LLGL2: variants seen among roughly 807,000 people sequenced by gnomAD.
LLGL2 encodes the protein LLGL scribble cell polarity complex component 2.
Under a neutral mutation model 123.2 loss-of-function variants are expected in LLGL2, and 81 were observed. That is an observed-to-expected ratio of 0.66 (90% CI 0.55 to 0.79). LLGL2 has a LOEUF of 0.79. Among genes scored for constraint, LLGL2 ranks in the 30% least tolerant of loss-of-function variants. LLGL2 has a pLI of 0.00. For missense variants in LLGL2, 1,273 were observed against 1,414.6 expected (o/e 0.90, Z 1.61); for synonymous variants, 577 against 594.1 (o/e 0.97, Z 0.42).
At chr17:75,570,314 C>T (rs2055641105) in intron 15 of LLGL2, 34 bp from the exon 16 acceptor site, 1 of 1,608,356 alleles carries the variant, frequency 6.2e-7, no homozygotes, top group African/African-American at 1.3e-5. Context: ...ACTCCCAGGA[C>T]CTAGCAGCAC....
At chr17:75,557,830 C>T (rs1016704531) in intron 3 of LLGL2, 6 of 397,936 alleles carry the variant, frequency 1.5e-5, no homozygotes, top group Admixed American at 7.3e-5. Flanking sequence ...TGCTACCAAG[C>T]GACAGCCAAC....
Position 75,558,580 on chromosome 17 carries a change from A to T in LLGL2, c.324A>T (p.Ala108=). ...GGAGCCTGAAGGTCAAGGGCGGGGC[A>T]TCGGAGCTGCAGGAGGATGAGAGCT... ...HLWSLKVKGG[A]SELQEDESFT... Residue 108 remains alanine (A), a synonymous_variant, in exon 5 of 26, where the codon GCA becomes GCT. Coordinates refer to ENST00000392550, the MANE Select transcript of LLGL2 (RefSeq NM_001031803.2). This position sits in a 1 kb window ranked among gnomAD's most constrained non-coding sequence, Gnocchi z 4.0. 3 of 1,611,768 alleles carry T rather than the reference A, an allele frequency of 1.9e-6. No homozygotes were observed. In the South Asian group the frequency reaches 3.3e-5, roughly 18 times the overall value.
chr17:75,535,485 G>A (rs909901603), intron 1 of LLGL2, among the ~76,000 whole-genome samples: 8 of 152,240 alleles, frequency 5.3e-5, no homozygotes, highest in Non-Finnish European at 7.3e-5. Context: ...GGAACTTCCC[G>A]AGCTATGGAG....
At position 75,559,450 on chromosome 17, in the gene LLGL2, A is replaced by T. The variant is rs755804238; in HGVS notation, c.530+40A>T. The T allele has an allele frequency of 5.8e-6, 9 of 1,557,028 alleles. No homozygotes were observed. Among genetic ancestry groups the T allele is most frequent in the Non-Finnish European group, 7.8e-6 (9 of 1,152,628 alleles). On this transcript the variant is annotated intron_variant, in intron 6 of 25. Transcript: ENST00000392550. This position sits in a 1 kb window ranked among gnomAD's most constrained non-coding sequence, Gnocchi z 4.6. ...CAGCTGCTGTTAACTCCATCCCCTC[A>T]AGTTAGGCATGGCTTCTCCCCTTGG...
intron 6 of LLGL2, among the ~76,000 whole-genome samples, chr17:75,561,853 T>C (rs1338495623): frequency 2.7e-5 from 4 of 150,918 alleles, no homozygotes; most frequent in Non-Finnish European, 4.4e-5. Flanking sequence ...ACCCCGGAGG[T>C]GGAGGTTGTG....
At chr17:75,568,256 G>A (rs536141789) in intron 10 of LLGL2, 1 of 1,424,110 alleles carries the variant, frequency 7.0e-7, no homozygotes, top group Non-Finnish European at 9.1e-7. Flanking sequence ...ATCCCCCCAG[G>A]AGCCCTGTGC....
chr17:75,559,273 G>C lies in LLGL2; in HGVS notation c.393G>C (p.Gln131His), dbSNP rs2055087182. 5 of 1,610,532 alleles carry C rather than the reference G, an allele frequency of 3.1e-6. No individual in the cohort carries two copies. The highest frequency in any genetic ancestry group is 1.3e-5 in the African/African-American group (1 of 74,930). The change falls in exon 6 of 26, where the codon CAG (glutamine) becomes CAC (histidine). Residue 131 changes from glutamine to histidine, a missense_variant. Gln to His is a conservative substitution (Grantham distance 24, BLOSUM62 0). Transcript: ENST00000392550. The surrounding 1 kb of genome is among the most constrained non-coding windows in gnomAD (Gnocchi z 4.6). ...GPPGAAPSAT[Q>H]ITVVLPHSSC... ...ACAGGGCTGCCCCCAGTGCCACACA[G>C]ATCACCGTGGTCCTGCCACATTCCT...
intron 1 of LLGL2, among the ~76,000 whole-genome samples, chr17:75,527,632 A>C (rs183843627): frequency 5.3e-5 from 8 of 150,716 alleles, no homozygotes; most frequent in African/African-American, 1.5e-4. Flanking sequence ...CTTTAATAAT[A>C]TGTTTTTTAA....
At chr17:75,534,662 G>T (rs529425599) in intron 1 of LLGL2, among the ~76,000 whole-genome samples, 50 of 151,998 alleles carry the variant, frequency 3.3e-4, no homozygotes, top group Admixed American at 1.0e-3. Context: ...TAAGTTTTTT[G>T]CTGAGACAAG....
At chr17:75,562,696 G>A (rs759154613) in intron 6 of LLGL2, 87 of 297,318 alleles carry the variant, frequency 2.9e-4, no homozygotes, top group Non-Finnish European at 2.7e-4. Context: ...CGCCTCCCAA[G>A]TAGCTGGGGT....
chr17:75,574,489 AC>A lies in LLGL2; in HGVS notation c.2992del (p.Arg998AlafsTer33), dbSNP rs2055883019. 1 of 1,556,314 alleles carries A rather than the reference AC, an allele frequency of 6.4e-7. No homozygotes were observed. The highest frequency in any genetic ancestry group is 1.9e-5 in the Admixed American group (1 of 51,624). On this transcript the variant is annotated frameshift_variant, in exon 24 of 26. Transcript: ENST00000392550. LOFTEE classifies it high-confidence loss of function. ...LKEIQSTLEG[D>X]RGSGNWRSHR... is the part of the protein sequence containing the mutation. Reference sequence around the variant, plus strand: ...GAAATCCAGAGCACACTGGAGGGAGACCGCGGGTGAGGCACCGCCCAGGCCA... The same window carrying A: ...GAAATCCAGAGCACACTGGAGGGAGACGCGGGTGAGGCACCGCCCAGGCCA...
chr17:75,548,820 A>G (rs7210253), intron 2 of LLGL2, among the ~76,000 whole-genome samples: 73,452 of 151,014 alleles, frequency 0.49, 18,729 homozygotes, highest in African/African-American at 0.62. Context: ...CTACAGTGGT[A>G]TTTTGGGGTG....
chr17:75,526,604 A>C (rs1053724232), intron 1 of LLGL2, among the ~76,000 whole-genome samples: 1 of 152,010 alleles, frequency 6.6e-6, no homozygotes, highest in African/African-American at 2.4e-5. Flanking sequence ...CTCTCACCTG[A>C]ACAGGTGAGC....
At chr17:75,532,569 A>G (rs1427952487) in intron 1 of LLGL2, 2 of 151,758 alleles carry the variant, frequency 1.3e-5, no homozygotes, top group African/African-American at 2.4e-5. Context: ...GATTACAGGT[A>G]TGCGCCACCA....
At chr17:75,541,455 C>T (rs979667035) in intron 1 of LLGL2, among the ~76,000 whole-genome samples, 4 of 152,204 alleles carry the variant, frequency 2.6e-5, no homozygotes, top group Non-Finnish European at 4.4e-5. Flanking sequence ...CTTTCCCAGC[C>T]GGTGCCTGTT....
chr17:75,557,447 C>T (rs1379700592), intron 3 of LLGL2, among the ~76,000 whole-genome samples: 1 of 152,218 alleles, frequency 6.6e-6, no homozygotes, highest in African/African-American at 2.4e-5. Flanking sequence ...TGGGGGCTCC[C>T]AGTGTTTTCA....
Position 75,574,229 on chromosome 17 carries a change from G to A in LLGL2, c.2922G>A (p.Leu974=), listed in dbSNP as rs1334739002. The part of the protein sequence containing the change: ...QSDGEEKQPG[L]VMERALLSDE... ...ACCTTCCAGAGAAGCAGCCCGGCCTGGTGATGGAGCGCGCTCTGCTCAGTG... is the reference window on the plus strand; with the variant it reads ...ACCTTCCAGAGAAGCAGCCCGGCCTAGTGATGGAGCGCGCTCTGCTCAGTG... Residue 974 remains leucine (L), a synonymous_variant, in exon 23 of 26, where the codon CTG becomes CTA. Transcript: ENST00000392550. 6.5e-6 allele frequency: 10 copies of A among 1,540,930 alleles called. No individual in the cohort carries two copies. Among genetic ancestry groups the A allele is most frequent in the Non-Finnish European group, 8.8e-6 (10 of 1,142,216 alleles).
rs777708347 is a variant in LLGL2, at chr17:75,564,449, C to T, written c.978C>T (p.Phe326=). 10 of 1,613,442 alleles carry T rather than the reference C, an allele frequency of 6.2e-6. No individual in the cohort carries two copies. Among genetic ancestry groups the T allele is most frequent in the South Asian group, 2.2e-5 (2 of 91,094 alleles). The change falls in exon 10 of 26, where the codon TTC becomes TTT. Residue 326 remains phenylalanine (F), a synonymous_variant. Transcript: ENST00000392550. This position sits in a 1 kb window ranked among gnomAD's most constrained non-coding sequence, Gnocchi z 4.9. ...TCCACGATGGCCAGCAGACGGCCTT[C>T]GACTTCACCTCCCGTGTCATCGGCT... The part of the protein sequence containing the change: ...SVIHDGQQTA[F]DFTSRVIGFT...
chr17:75,561,387 G>C (rs895963040), intron 6 of LLGL2, among the ~76,000 whole-genome samples: 1 of 152,186 alleles, frequency 6.6e-6, no homozygotes, highest in African/African-American at 2.4e-5. Flanking sequence ...CACTTTGGGA[G>C]GCTGAGGTAG....
Sources: gnomAD v4.1 joint callset for allele counts (sites outside exome capture counted in the v4.1 genomes callset) on GRCh38, gnomAD v4.1.1 for gene constraint, Gnocchi (gnomAD v3.1) non-coding constraint, MANE v1.5 for transcripts, NCBI Gene and HGNC (gene_info 2026-07-23, HGNC 2026-07-21) for gene names.